STAU2: variants seen among roughly 807,000 people sequenced by gnomAD.
The protein encoded by STAU2 is double-stranded RNA-binding protein Staufen homolog 2.
Under a neutral mutation model 65.9 loss-of-function variants are expected in STAU2, and 20 were observed. The observed-to-expected ratio is 0.30, with a 90% CI of 0.21 to 0.44. The LOEUF is 0.44. Among genes scored for constraint, STAU2 ranks in the 20% least tolerant of loss-of-function variants. STAU2 has a pLI of 1.00. For missense variants in STAU2, 558 were observed against 683.9 expected, an observed-to-expected ratio of 0.82 and a Z score of 2.05; for synonymous variants, 232 against 233.9, an observed-to-expected ratio of 0.99 and a Z score of 0.07.
rs76305770 is a variant in STAU2, at chr8:73,530,264, G to C, written c.1530+21748C>G. ...TCACTCACAAAAGAACCTAATCTCA[G>C]TGAGATTTTCTCCTATTGGCCCATA... On this transcript the variant is annotated intron_variant, in intron 13 of 14. Transcript: ENST00000524300. 5.7e-4 allele frequency among the ~76,000 whole-genome samples: 87 copies of C among 152,300 alleles called. No individual in the cohort carries two copies. The East Asian group carries it at 8.5e-3, about 15-fold the overall frequency.
In STAU2 at chr8:73,699,860, C is replaced by CAAAA. The variant is rs201419278; in HGVS notation, c.114+9168_114+9171dup. Among the ~76,000 whole-genome samples the CAAAA allele has an allele frequency of 2.0e-3, 180 of 88,870 alleles. 2 individuals carry two copies. Among genetic ancestry groups the CAAAA allele is most frequent in the South Asian group, 0.011 (27 of 2,534 alleles). 58.3% of individuals were successfully genotyped at this position (88,870 alleles called of 152,430 possible). ...CTGATACCAAAAACCAAACACACAT[C>CAAAA]AAAAAAAAAAAAAAAAAAACCTACA... On this transcript the variant is annotated intron_variant, in intron 4 of 14. Transcript: ENST00000524300.
At chr8:73,711,571 T>C (rs964153930) in intron 3 of STAU2, among the ~76,000 whole-genome samples, 1 of 152,132 alleles carries the variant, frequency 6.6e-6, no homozygotes, top group Admixed American at 6.5e-5. Context: ...CATACAAACA[T>C]AGTGTGAAAA....
rs1816347178 is a variant in STAU2 at position 73,421,133 on chromosome 8, C to T, written c.*239G>A. The T allele has an allele frequency of 2.5e-6, 1 of 404,854 alleles. No individual in the cohort carries two copies. The allele number at this position is 404,854 out of a possible 1,614,324, so 25.1% of individuals were successfully genotyped here. ...CTCCAGTAGCAGGATCAGATTTCTG[C>T]TGCCTCTAGGCAAATGAGTTATGAT... On this transcript the variant is annotated 3_prime_UTR_variant, in exon 15 of 15. Transcript: ENST00000524300.
chr8:73,728,917 TTTC>T (rs1204958908), intron 3 of STAU2, among the ~76,000 whole-genome samples: 1 of 152,220 alleles, frequency 6.6e-6, no homozygotes, highest in Non-Finnish European at 1.5e-5. Context: ...TTTGTTTCTT[TTTC>T]TTGTCACACT....
chr8:73,745,713 C>G (rs944783489), intron 1 of STAU2, among the ~76,000 whole-genome samples: 3 of 152,146 alleles, frequency 2.0e-5, no homozygotes, highest in Admixed American at 6.5e-5. Context: ...ATTGAATGGT[C>G]CCTCTCTATC....
intron 9 of STAU2, among the ~76,000 whole-genome samples, chr8:73,610,451 G>A (rs1018563952): frequency 3.3e-5 from 5 of 149,398 alleles, no homozygotes; most frequent in African/African-American, 7.4e-5. Flanking sequence ...TGGGAGAATC[G>A]TTTGAACCCA....
Position 73,746,827 on chromosome 8 carries a change from C to G in STAU2, c.-241G>C. 8.1e-7 allele frequency: 1 copy of G among 1,230,464 alleles called. No homozygotes were observed. The highest frequency in any genetic ancestry group is 1.0e-6 in the Non-Finnish European group (1 of 985,970). 76.2% of individuals were successfully genotyped at this position (1,230,464 alleles called of 1,614,324 possible). A position where few individuals can be genotyped will look rare whatever the true frequency, so the allele number is the denominator to read the frequency against. On this transcript the variant is annotated 5_prime_UTR_variant, in exon 1 of 15. Coordinates refer to ENST00000524300, the MANE Select transcript of STAU2 (RefSeq NM_001164380.2). ...TGCAGACGGCTCCAACATTGGCAAA[C>G]ACTACAGAGAACTGACCCCGCTCGG...
intron 9 of STAU2, among the ~76,000 whole-genome samples, chr8:73,606,600 G>C (rs1339449161): frequency 6.6e-6 from 1 of 152,156 alleles, no homozygotes; most frequent in Non-Finnish European, 1.5e-5. Context: ...TGTTAGCAAG[G>C]ATGTGAAACA....
chr8:73,603,580 G>C, intron 10 of STAU2, 146 bp downstream of exon 10: 3 of 995,752 alleles, frequency 3.0e-6, no homozygotes, highest in South Asian at 4.6e-5. Flanking sequence ...CCACCAAGTT[G>C]GTAGGTGAGC....
In STAU2 at chr8:73,619,864, G is replaced by GA. The variant is rs571776671; in HGVS notation, c.411-2414dup. ...AATGAAGGAGAGGAATTCAGAGTAT[G>GA]AAAAAAAAGAAAAAGTTGCTGTTTT... is the stretch of plus-strand genomic sequence containing the variant. On this transcript the variant is annotated intron_variant, in intron 6 of 14. Coordinates refer to ENST00000524300, the MANE Select transcript of STAU2 (RefSeq NM_001164380.2). 1.1e-4 allele frequency among the ~76,000 whole-genome samples: 17 copies of GA among 151,390 alleles called. No homozygotes were observed. The South Asian group carries it at 3.1e-3, about 28-fold the overall frequency.
chr8:73,488,053 G>C (rs370902820), intron 13 of STAU2, among the ~76,000 whole-genome samples: 1 of 151,992 alleles, frequency 6.6e-6, no homozygotes, highest in South Asian at 2.1e-4. Context: ...GTGGCATACA[G>C]TTTGCACTCA....
At chr8:73,439,040 A>G (rs1020381124) in intron 13 of STAU2, 1 of 456,594 alleles carries the variant, frequency 2.2e-6, no homozygotes, top group Admixed American at 2.3e-5. Flanking sequence ...CCATCCTACC[A>G]TGGGAATTAA....
At position 73,552,125 on chromosome 8, in the gene STAU2, T is replaced by C. The variant is rs769384356; in HGVS notation, c.1417A>G (p.Thr473Ala). The C allele has an allele frequency of 3.7e-6, 6 of 1,613,918 alleles. No individual in the cohort carries two copies. The Admixed American group carries it at 8.3e-5, about 22-fold the overall frequency. The change falls in exon 13 of 15, where the codon ACA (threonine) becomes GCA (alanine). Residue 473 changes from threonine to alanine, a missense_variant. Coordinates refer to ENST00000524300, the MANE Select transcript of STAU2 (RefSeq NM_001164380.2). The part of the protein sequence containing the change: ...TIARELLMNG[T>A]SSTAEAIGLK... ...CCTATGGCTTCAGCTGTAGAAGATG[T>C]TCCATTCATAAGGAGTTCCCTGGCA...
intron 3 of STAU2, among the ~76,000 whole-genome samples, chr8:73,711,843 T>C (rs1310716077): frequency 2.0e-5 from 3 of 152,144 alleles, no homozygotes; most frequent in Non-Finnish European, 2.9e-5. Flanking sequence ...CCCACTTTGA[T>C]AAAGCTTCAA....
intron 6 of STAU2, among the ~76,000 whole-genome samples, chr8:73,658,037 A>G: frequency 6.6e-6 from 1 of 151,396 alleles, no homozygotes; most frequent in East Asian, 2.0e-4. Context: ...TAAAAGGCAC[A>G]ATAGTCACAC....
intron 13 of STAU2, among the ~76,000 whole-genome samples, chr8:73,444,640 A>G (rs1818369936): frequency 6.6e-6 from 1 of 152,154 alleles, no homozygotes. Flanking sequence ...GTAAGTTCCT[A>G]GAACAGGATA....
chr8:73,589,032 A>G (rs966557770), intron 11 of STAU2, among the ~76,000 whole-genome samples: 3 of 152,208 alleles, frequency 2.0e-5, no homozygotes, highest in Non-Finnish European at 2.9e-5. Flanking sequence ...GCCATGACAC[A>G]GCAAAGAAGA....
At chr8:73,673,320 G>T in intron 5 of STAU2, 78 bp from the exon 6 acceptor site, 1 of 1,319,010 alleles carries the variant, frequency 7.6e-7, no homozygotes, top group Non-Finnish European at 9.9e-7. Flanking sequence ...TTTATACAAC[G>T]CTTAAATACC....
chr8:73,637,364 T>C (rs1814600532), intron 6 of STAU2, among the ~76,000 whole-genome samples: 1 of 147,878 alleles, frequency 6.8e-6, no homozygotes, highest in Non-Finnish European at 1.5e-5. Context: ...TAAAAAGACA[T>C]ATTATTTATG....
Sources: gnomAD v4.1 joint callset for allele counts (sites outside exome capture counted in the v4.1 genomes callset) on GRCh38, gnomAD v4.1.1 for gene constraint, MANE v1.5 for transcripts, NCBI Gene and HGNC (gene_info 2026-07-23, HGNC 2026-07-21) for gene names.